Variants in SMARCAD1 observed in about 807,000 individuals in gnomAD.
SMARCAD1 encodes the protein SNF2 related chromatin remodeling ATPase with DExD box 1.
In SMARCAD1, 25 loss-of-function variants were observed where a neutral mutation model predicts 127.1. The observed-to-expected ratio is 0.20, with a 90% CI of 0.14 to 0.27. SMARCAD1 has a LOEUF of 0.27. Among genes scored for constraint, SMARCAD1 ranks in the 10% least tolerant of loss-of-function variants. The probability of loss-of-function intolerance (pLI) is 1.00; values close to 1 mark genes in which losing one functional copy is unlikely to be tolerated. For synonymous variants in SMARCAD1, 400 were observed against 396.9 expected, an observed-to-expected ratio of 1.01 and a Z score of -0.09; for missense variants, 807 against 1,206.0, an observed-to-expected ratio of 0.67 and a Z score of 4.90.
chr4:94,249,847 G>T, intron 7 of SMARCAD1, 92 bp downstream of exon 7: 1 of 762,290 alleles, frequency 1.3e-6, no homozygotes. Context: ...AAAGCTTAGG[G>T]TGAGTTTTGT....
At chr4:94,262,904 A>AAG (rs1462979796) in intron 9 of SMARCAD1, among the ~76,000 whole-genome samples, 21,438 of 96,880 alleles carry the variant, frequency 0.22, 1,720 homozygotes, top group Non-Finnish European at 0.24. Context: ...AAAAAAAAAA[A>AAG]AAAGAAAGAA....
chr4:94,288,474 CTG>C (rs1415934252), intron 23 of SMARCAD1, among the ~76,000 whole-genome samples: 2 of 152,042 alleles, frequency 1.3e-5, no homozygotes, highest in African/African-American at 4.8e-5. Context: ...ATTTTCAAGT[CTG>C]TGGATGAGCT....
In SMARCAD1 at chr4:94,228,676, G is replaced by A. The variant is rs988132288; in HGVS notation, c.368+2380G>A. ...TGAACTAAGCAATGTGCTCAGTAAC[G>A]TAGTTGTTTACGTTCTGTTGCTAGT... On this transcript the variant is annotated intron_variant, in intron 3 of 23. Transcript: ENST00000354268. Among the ~76,000 whole-genome samples, 5 of 151,386 alleles carry A rather than the reference G, an allele frequency of 3.3e-5. No individual in the cohort carries two copies. The East Asian group carries it at 5.8e-4, about 18-fold the overall frequency.
intron 16 of SMARCAD1, among the ~76,000 whole-genome samples, chr4:94,278,067 C>A (rs1329859574): frequency 6.6e-6 from 1 of 152,076 alleles, no homozygotes; most frequent in African/African-American, 2.4e-5. Flanking sequence ...GGATTTTCTA[C>A]CCCCCACGCT....
At chr4:94,230,722 G>A (rs1745712485) in intron 3 of SMARCAD1, among the ~76,000 whole-genome samples, 1 of 152,066 alleles carries the variant, frequency 6.6e-6, no homozygotes, top group African/African-American at 2.4e-5. Context: ...CCACTGATGT[G>A]TATGCTAGAA....
intron 3 of SMARCAD1, among the ~76,000 whole-genome samples, chr4:94,232,605 CT>C (rs1746012120): frequency 6.6e-6 from 1 of 152,158 alleles, no homozygotes; most frequent in African/African-American, 2.4e-5. Flanking sequence ...TGCCTCGTTA[CT>C]TTAGAGCGGT....
Position 94,237,027 on chromosome 4 carries a change from G to A in SMARCAD1, c.604+9G>A, listed in dbSNP as rs761123676. 37 of 1,611,392 alleles carry A rather than the reference G, an allele frequency of 2.3e-5. No homozygotes were observed. Among genetic ancestry groups the A allele is most frequent in the Non-Finnish European group, 3.1e-5 (37 of 1,178,226 alleles). On this transcript the variant is annotated intron_variant, in intron 5 of 23. Coordinates refer to ENST00000354268, the MANE Select transcript of SMARCAD1 (RefSeq NM_020159.5). The stretch of plus-strand genomic sequence containing the variant: ...GATGTTTGGTGATGCAGGTATGCTT[G>A]ACTTAATTTTAAGCCATGTCGATTT...
rs3834224 is a variant in SMARCAD1 at position 94,289,626 on chromosome 4, AT to A, written c.*95del. The A allele has an allele frequency of 1.6e-3, 1,833 of 1,154,684 alleles. 17 individuals carry two copies. Among genetic ancestry groups the A allele is most frequent in the Admixed American group, 0.015 (879 of 59,326 alleles). 71.5% of individuals were successfully genotyped at this position (1,154,684 alleles called of 1,614,324 possible). On this transcript the variant is annotated 3_prime_UTR_variant, in exon 24 of 24. Transcript: ENST00000354268. ...TATGATGACCATGGGGTTTATGAAC[AT>A]TTATAACTTTTTATAATTTCCATAT...
In SMARCAD1 at chr4:94,290,345, T is replaced by C. The variant is rs1560576716; in HGVS notation, c.*811T>C. 2.2e-6 allele frequency: 1 copy of C among 454,496 alleles called. No individual in the cohort carries two copies. The highest frequency in any genetic ancestry group is 4.4e-6 in the Non-Finnish European group (1 of 226,778). The allele number at this position is 454,496 out of a possible 1,614,324, so 28.2% of individuals were successfully genotyped here. A position where few individuals can be genotyped will look rare whatever the true frequency, so the allele number is the denominator to read the frequency against. ...GAAACTGTTGCCCAGTCACTTCTGC[T>C]CCAATTCTCTTCCTCTCTAAATAGT... On this transcript the variant is annotated 3_prime_UTR_variant, in exon 24 of 24. Coordinates refer to ENST00000354268, the MANE Select transcript of SMARCAD1 (RefSeq NM_020159.5).
At position 94,264,562 on chromosome 4, in the gene SMARCAD1, A is replaced by G. The variant is rs956584626; in HGVS notation, c.1282-145A>G. 26 of 612,128 alleles carry G rather than the reference A, an allele frequency of 4.2e-5. 1 individual carries two copies. Among genetic ancestry groups the G allele is most frequent in the Non-Finnish European group, 6.2e-5 (22 of 355,214 alleles). 37.9% of individuals were successfully genotyped at this position (612,128 alleles called of 1,614,324 possible). A position where few individuals can be genotyped will look rare whatever the true frequency, so the allele number is the denominator to read the frequency against. On this transcript the variant is annotated intron_variant, in intron 9 of 23. Coordinates refer to ENST00000354268, the MANE Select transcript of SMARCAD1 (RefSeq NM_020159.5). ...TGTAGCAACTCAAATATAAACATGA[A>G]GAATCAGGTTCTCTTAGTAGTTGAC...
rs2126026312 is a variant in SMARCAD1 at position 94,290,688 on chromosome 4, T to C, written c.*1154T>C. The C allele has an allele frequency of 2.2e-6, 1 of 444,540 alleles. No individual in the cohort carries two copies. The highest frequency in any genetic ancestry group is 2.0e-5 in the African/African-American group (1 of 49,486). 27.5% of individuals were successfully genotyped at this position (444,540 alleles called of 1,614,324 possible). ...GATATTTAACTCTTTATTAAATCTT[T>C]CTTTAAATTTCTGCCTGTCAGTCTA... On this transcript the variant is annotated 3_prime_UTR_variant, in exon 24 of 24. Coordinates refer to ENST00000354268, the MANE Select transcript of SMARCAD1 (RefSeq NM_020159.5).
intron 18 of SMARCAD1, 80 bp downstream of exon 18, chr4:94,278,813 T>C: frequency 1.3e-6 from 2 of 1,598,504 alleles, no homozygotes; most frequent in Non-Finnish European, 1.7e-6. Flanking sequence ...ATAATGGGAT[T>C]TGTGCATTTT....
chr4:94,208,956 T>C (rs761270075), intron 2 of SMARCAD1, among the ~76,000 whole-genome samples: 1 of 152,202 alleles, frequency 6.6e-6, no homozygotes, highest in Non-Finnish European at 1.5e-5. Flanking sequence ...CCTCAAAATA[T>C]TGATCATCTA....
At chr4:94,242,365 A>G (rs966439361) in intron 6 of SMARCAD1, among the ~76,000 whole-genome samples, 1 of 152,000 alleles carries the variant, frequency 6.6e-6, no homozygotes, top group African/African-American at 2.4e-5. Flanking sequence ...AATAACTTAT[A>G]TTCTGAGATG....
At chr4:94,253,905 A>T (rs1297001761) in intron 9 of SMARCAD1, among the ~76,000 whole-genome samples, 1 of 152,168 alleles carries the variant, frequency 6.6e-6, no homozygotes, top group African/African-American at 2.4e-5. Flanking sequence ...GCTTTAAAAG[A>T]TGCAGCGACT....
intron 2 of SMARCAD1, among the ~76,000 whole-genome samples, chr4:94,221,361 A>G (rs1406467652): frequency 6.6e-6 from 1 of 152,196 alleles, no homozygotes; most frequent in African/African-American, 2.4e-5. Context: ...TAGAATGCAA[A>G]ATGTTTTTTC....
intron 4 of SMARCAD1, among the ~76,000 whole-genome samples, chr4:94,234,966 C>T (rs1328753998): frequency 2.0e-5 from 3 of 151,952 alleles, no homozygotes; most frequent in Non-Finnish European, 4.4e-5. Context: ...CAGGACATGG[C>T]CATGTGAGCT....
At chr4:94,258,681 T>TG (rs1453087634) in intron 9 of SMARCAD1, among the ~76,000 whole-genome samples, 3 of 152,232 alleles carry the variant, frequency 2.0e-5, no homozygotes, top group African/African-American at 7.2e-5. Flanking sequence ...TGAAGCTAGA[T>TG]GACCTGATTT....
intron 23 of SMARCAD1, among the ~76,000 whole-genome samples, chr4:94,288,224 CAT>C (rs1477046393): frequency 1.3e-5 from 2 of 152,016 alleles, no homozygotes; most frequent in Non-Finnish European, 2.9e-5. Context: ...CAGACATTAT[CAT>C]ATATTATTCA....
Sources: allele counts gnomAD v4.1 joint callset (sites outside exome capture counted in the v4.1 genomes callset), GRCh38; gene constraint gnomAD v4.1.1; transcripts MANE v1.5; gene names NCBI Gene and HGNC (gene_info 2026-07-23, HGNC 2026-07-21).